Variants in RNASE10 observed in about 807,000 individuals in gnomAD.
RNASE10 encodes the protein ribonuclease A family member 10 (inactive).
RNASE10 carries 2 observed loss-of-function variants against 1.1 expected under a neutral mutation model. That is an observed-to-expected ratio of 1.82 (90% CI 0.74 to 5.73). The LOEUF (loss-of-function observed/expected upper bound fraction) is 5.73, where lower values mean the gene tolerates loss of function less well. RNASE10 is among the 30% of genes most tolerant of loss of function. The probability of loss-of-function intolerance (pLI) is 0.05; values close to 1 mark genes in which losing one functional copy is unlikely to be tolerated. For synonymous variants in RNASE10, 97 were observed against 96.2 expected, an observed-to-expected ratio of 1.01 and a Z score of -0.05; for missense variants, 276 against 263.4, an observed-to-expected ratio of 1.05 and a Z score of -0.33.
At chr14:20,506,471 C>T (rs1882722933) in intron 1 of RNASE10, among the ~76,000 whole-genome samples, 1 of 134,222 alleles carries the variant, frequency 7.5e-6, no homozygotes, top group Admixed American at 7.1e-5. Context: ...GGCCAGCCGC[C>T]CCGTCCGGGA....
downstream of RNASE10, among the ~76,000 whole-genome samples, chr14:20,513,806 A>C (rs1008787754): frequency 6.6e-6 from 1 of 152,240 alleles, no homozygotes. Flanking sequence ...TGGCCCCAAA[A>C]GTTTCAAGTA....
At chr14:20,506,818 G>A (rs1882744088) in intron 1 of RNASE10, among the ~76,000 whole-genome samples, 5 of 120,932 alleles carry the variant, frequency 4.1e-5, no homozygotes, top group African/African-American at 6.6e-5. Context: ...GAGGTGGGGG[G>A]ATCAGCCCCC....
downstream of RNASE10, among the ~76,000 whole-genome samples, chr14:20,513,638 A>G (rs1882947975): frequency 6.6e-6 from 1 of 152,178 alleles, no homozygotes; most frequent in African/African-American, 2.4e-5. Flanking sequence ...TTGTTTATTT[A>G]TGCTATGTGA....
Position 20,506,250 on chromosome 14 carries a change from C to T in RNASE10, c.79+231C>T, listed in dbSNP as rs1384754422. On this transcript the variant is annotated intron_variant, in intron 1 of 1. Transcript: ENST00000430083. ...GAGGTGAGGGGCTCCTCTGCCCGGC[C>T]GCCCCTACTGGGAAGTGAGGAGCCC... Among the ~76,000 whole-genome samples, 58 of 125,782 alleles carry T rather than the reference C, an allele frequency of 4.6e-4. No homozygotes were observed. The East Asian group carries it at 0.013, about 28-fold the overall frequency. 82.5% of individuals were successfully genotyped at this position (125,782 alleles called of 152,430 possible).
rs574467521 is a variant in RNASE10 at position 20,510,672 on chromosome 14, G to A, written c.285G>A (p.Thr95=). 205 of 1,614,174 alleles carry A rather than the reference G, an allele frequency of 1.3e-4. 1 individual carries two copies. Among genetic ancestry groups the A allele is most frequent in the South Asian group, 4.4e-4 (40 of 91,082 alleles). ...GAGACGGCACCCAAACCACAGAAAC[G>A]CTGGTGCTTAGCAACAAAGAAGTGG... Residue 95 remains threonine, a synonymous_variant, in exon 2 of 2, where the codon ACG becomes ACA. Transcript: ENST00000430083.
intron 1 of RNASE10, among the ~76,000 whole-genome samples, 171 bp downstream of exon 1, chr14:20,506,190 G>GA (rs1326169280): frequency 7.2e-6 from 1 of 139,672 alleles, no homozygotes; most frequent in Non-Finnish European, 1.6e-5. Context: ...GGTGGGGGGG[G>GA]GTCAGCCCCC....
At chr14:20,512,382 G>T (rs1260617188), downstream of RNASE10, among the ~76,000 whole-genome samples, 1 of 152,144 alleles carries the variant, frequency 6.6e-6, no homozygotes, top group East Asian at 1.9e-4. Flanking sequence ...GGGAGAAGAG[G>T]AATCTGAGAA....
intron 1 of RNASE10, among the ~76,000 whole-genome samples, chr14:20,507,582 T>G (rs1882780001): frequency 7.4e-6 from 1 of 134,932 alleles, no homozygotes; most frequent in African/African-American, 3.0e-5. Flanking sequence ...CAAATCCCCC[T>G]CTGCGAGAAA....
At chr14:20,510,334 G>A in intron 1 of RNASE10, 133 bp from the exon 2 acceptor site, 1 of 1,324,574 alleles carries the variant, frequency 7.5e-7, no homozygotes, top group African/African-American at 1.5e-5. Flanking sequence ...CTGCCTTGAA[G>A]AGGGTAGAGT....
intron 1 of RNASE10, among the ~76,000 whole-genome samples, chr14:20,506,796 C>A (rs1882743186): frequency 7.5e-6 from 1 of 133,098 alleles, no homozygotes; most frequent in Admixed American, 7.2e-5. Context: ...GCCAGCCGCC[C>A]CGTCCGGGAG....
chr14:20,510,517 C>A (rs767263319), exon 2 of RNASE10: 14 of 1,613,596 alleles, frequency 8.7e-6, no homozygotes, highest in Non-Finnish European at 1.2e-5. Flanking sequence ...GCTGATGCTG[C>A]TGCTGGGCCT....
intron 1 of RNASE10, among the ~76,000 whole-genome samples, chr14:20,507,088 C>G (rs1239960168): frequency 1.3e-4 from 20 of 149,380 alleles, no homozygotes; most frequent in African/African-American, 4.5e-4. Context: ...CCCCTCTGCC[C>G]GGCCAGGACC....
intron 1 of RNASE10, among the ~76,000 whole-genome samples, chr14:20,509,415 C>A (rs1882838479): frequency 6.6e-6 from 1 of 152,216 alleles, no homozygotes; most frequent in Non-Finnish European, 1.5e-5. Context: ...TGGTTTCATT[C>A]TTATTCCATT....
At chr14:20,505,281 T>C (rs1477408486), upstream of RNASE10, among the ~76,000 whole-genome samples, 1 of 23,100 alleles carries the variant, frequency 4.3e-5, no homozygotes, top group Non-Finnish European at 9.6e-5. Context: ...CCTCTCCCTC[T>C]CCCTCTCCCT....
At chr14:20,507,345 G>C (rs1882770191) in intron 1 of RNASE10, among the ~76,000 whole-genome samples, 1 of 132,896 alleles carries the variant, frequency 7.5e-6, no homozygotes, top group Non-Finnish European at 1.6e-5. Flanking sequence ...AACATGTGCT[G>C]TGTCCACTCA....
downstream of RNASE10, chr14:20,511,281 A>G (rs989333583): frequency 1.1e-5 from 6 of 538,976 alleles, no homozygotes; most frequent in Admixed American, 2.3e-4. Flanking sequence ...AGGATTAGAG[A>G]TGGTAGGATA....
At chr14:20,512,319 TCAGC>T, downstream of RNASE10, among the ~76,000 whole-genome samples, 1 of 152,330 alleles carries the variant, frequency 6.6e-6, no homozygotes, top group South Asian at 2.1e-4. Flanking sequence ...GTGGCTGCCC[TCAGC>T]CTATTTCCTC....
intron 1 of RNASE10, among the ~76,000 whole-genome samples, chr14:20,506,233 G>A (rs1594439409): frequency 8.9e-6 from 1 of 112,380 alleles, no homozygotes; most frequent in South Asian, 3.3e-4. Context: ...GGGAGGTGAG[G>A]GGCTCCTCTG....
At chr14:20,506,305 G>A (rs1882714158) in intron 1 of RNASE10, among the ~76,000 whole-genome samples, 1 of 102,048 alleles carries the variant, frequency 9.8e-6, no homozygotes, top group Non-Finnish European at 2.0e-5. Flanking sequence ...CCGTCCGGGA[G>A]GGAGGTGGGG....
Sources: allele counts gnomAD v4.1 joint callset (sites outside exome capture counted in the v4.1 genomes callset), GRCh38; gene constraint gnomAD v4.1.1; transcripts MANE v1.5; gene names NCBI Gene and HGNC (gene_info 2026-07-23, HGNC 2026-07-21).